ERO1B: variants seen among roughly 807,000 people sequenced by gnomAD.
ERO1B encodes the protein endoplasmic reticulum oxidoreductase 1 beta, also known as ERO1-like protein beta.
Under a neutral mutation model 75.3 loss-of-function variants are expected in ERO1B, and 49 were observed. The ratio of observed to expected loss-of-function variants is 0.65; its 90% CI spans 0.52 to 0.83. The LOEUF (loss-of-function observed/expected upper bound fraction) is 0.83, where lower values mean the gene tolerates loss of function less well. Among genes scored for constraint, ERO1B ranks in the 40% least tolerant of loss-of-function variants. ERO1B has a pLI of 0.00. For synonymous variants in ERO1B, 191 were observed against 192.9 expected, an observed-to-expected ratio of 0.99 and a Z score of 0.08; for missense variants, 512 against 560.1, an observed-to-expected ratio of 0.91 and a Z score of 0.87.
In ERO1B at chr1:236,236,248, G is replaced by A. The variant is rs199976739; in HGVS notation, c.626+30C>T. 2.4e-5 allele frequency: 38 copies of A among 1,612,108 alleles called. 1 individual carries two copies. The highest frequency in any genetic ancestry group is 4.4e-5 in the South Asian group (4 of 90,998). On this transcript the variant is annotated intron_variant, in intron 7 of 15. Transcript: ENST00000354619. Reference sequence around the variant, plus strand: ...GGCCTCTCCCGACCCTCTATCAGTCGTTCCTTCTTCCCCCACCCCCTCCAG... The same window carrying A: ...GGCCTCTCCCGACCCTCTATCAGTCATTCCTTCTTCCCCCACCCCCTCCAG...
chr1:236,229,430 A>G (rs1355659132), intron 10 of ERO1B, among the ~76,000 whole-genome samples: 2 of 152,138 alleles, frequency 1.3e-5, no homozygotes, highest in African/African-American at 2.4e-5. Context: ...CTCAAAAAAA[A>G]AAAAAAGAAA....
At chr1:236,244,719 G>T (rs564557569) in intron 5 of ERO1B, among the ~76,000 whole-genome samples, 4 of 152,228 alleles carry the variant, frequency 2.6e-5, no homozygotes, top group Non-Finnish European at 5.9e-5. Context: ...CCATGCCTAA[G>T]CCCGAAAAAA....
rs3835673 is a variant in ERO1B, at chr1:236,232,636, C to CTTT, written c.685+189_685+191dup. Among the ~76,000 whole-genome samples the CTTT allele has an allele frequency of 5.6e-3, 822 of 145,634 alleles. 10 individuals carry two copies. Among genetic ancestry groups the CTTT allele is most frequent in the African/African-American group, 0.018 (715 of 39,684 alleles). On this transcript the variant is annotated intron_variant, in intron 9 of 15. Coordinates refer to ENST00000354619, the MANE Select transcript of ERO1B (RefSeq NM_019891.4). The stretch of plus-strand genomic sequence containing the variant: ...AAACTAAGCATTTAGGAAAAATGGT[C>CTTT]TTTTTTTTTTAACATAGGATAACTT...
intron 9 of ERO1B, among the ~76,000 whole-genome samples, chr1:236,231,938 C>T (rs1198809852): frequency 6.6e-6 from 1 of 152,128 alleles, no homozygotes; most frequent in East Asian, 1.9e-4. Context: ...ATAGTCTTAC[C>T]TACCACTAAA....
At chr1:236,237,456 G>T (rs1002906708) in intron 6 of ERO1B, among the ~76,000 whole-genome samples, 3 of 152,124 alleles carry the variant, frequency 2.0e-5, no homozygotes, top group Non-Finnish European at 2.9e-5. Context: ...AAATACAAAA[G>T]ATTTTAAAAA....
intron 2 of ERO1B, among the ~76,000 whole-genome samples, chr1:236,268,916 A>G (rs77286109): frequency 6.6e-6 from 1 of 151,410 alleles, no homozygotes; most frequent in East Asian, 2.0e-4. Flanking sequence ...AAACAAAAAC[A>G]TATATATATT....
rs575670800 is a variant in ERO1B at position 236,279,873 on chromosome 1, T to G, written c.102+1809A>C. Among the ~76,000 whole-genome samples the G allele has an allele frequency of 3.3e-5, 5 of 150,942 alleles. No homozygotes were observed. The South Asian group carries it at 1.0e-3, about 32-fold the overall frequency. ...AAAAAAAAAAAAAGAAAGTAAGTAC[T>G]GCTGGCAACAAAAACCAAATATATT... On this transcript the variant is annotated intron_variant, in intron 1 of 15. Transcript: ENST00000354619.
chr1:236,281,503 C>A (rs755873348), intron 1 of ERO1B, 179 bp downstream of exon 1: 23 of 411,916 alleles, frequency 5.6e-5, no homozygotes, highest in Non-Finnish European at 9.2e-5. Context: ...GCGGGCGGTT[C>A]GCAGATGTTT....
At chr1:236,273,273 A>G (rs2812477) in intron 1 of ERO1B, among the ~76,000 whole-genome samples, 139,214 of 152,204 alleles carry the variant, frequency 0.91, 64,915 homozygotes, top group East Asian at 1. Context: ...GCTTGAAAAG[A>G]AGCCTCCAGA....
At chr1:236,281,558 G>T (rs1665829845) in intron 1 of ERO1B, 124 bp downstream of exon 1, 1 of 633,414 alleles carries the variant, frequency 1.6e-6, no homozygotes. Flanking sequence ...TTTTCTGCTC[G>T]CCAGAAATCA....
rs1021412175 is a variant in ERO1B at position 236,217,082 on chromosome 1, C to G, written c.*1434G>C. ...GCTAAGTATTTTTAAGAGGGGTGAG[C>G]CAAGCCAACTAAATACAATTTTTTA... On this transcript the variant is annotated 3_prime_UTR_variant, in exon 16 of 16. Coordinates refer to ENST00000354619, the MANE Select transcript of ERO1B (RefSeq NM_019891.4). The G allele has an allele frequency of 6.6e-6, 1 of 151,800 alleles. No individual in the cohort carries two copies. Among genetic ancestry groups the G allele is most frequent in the Non-Finnish European group, 1.5e-5 (1 of 67,904 alleles). The allele number at this position is 151,800 out of a possible 1,614,324, so 9.4% of individuals were successfully genotyped here.
intron 1 of ERO1B, among the ~76,000 whole-genome samples, 197 bp from the exon 2 acceptor site, chr1:236,270,191 T>C (rs921609852): frequency 4.6e-5 from 7 of 152,236 alleles, no homozygotes; most frequent in African/African-American, 1.7e-4. Context: ...CTATACCCAT[T>C]TGGAAGAACA....
At chr1:236,236,203 A>G in intron 7 of ERO1B, 75 bp downstream of exon 7, 1 of 1,577,230 alleles carries the variant, frequency 6.3e-7, no homozygotes, top group South Asian at 1.1e-5. Context: ...CTGGGATTAC[A>G]GGCGTGAGCC....
chr1:236,270,389 T>G (rs1009446734), intron 1 of ERO1B, among the ~76,000 whole-genome samples: 3 of 152,326 alleles, frequency 2.0e-5, no homozygotes, highest in Admixed American at 2.0e-4. Context: ...TATGGAACAC[T>G]TACATGACAG....
At chr1:236,218,738 G>T (rs1173373874) in intron 15 of ERO1B, among the ~76,000 whole-genome samples, 162 bp from the exon 16 acceptor site, 1 of 152,106 alleles carries the variant, frequency 6.6e-6, no homozygotes, top group Admixed American at 6.6e-5. Context: ...ATTAAGACTG[G>T]TTTAGAAGGG....
chr1:236,235,912 A>C, intron 7 of ERO1B, 77 bp from the exon 8 acceptor site: 1 of 1,271,996 alleles, frequency 7.9e-7, no homozygotes, highest in Non-Finnish European at 1.1e-6. Flanking sequence ...AATAGAAACA[A>C]ATACTCCCCT....
At chr1:236,251,053 G>A (rs1665014535) in intron 4 of ERO1B, among the ~76,000 whole-genome samples, 1 of 152,018 alleles carries the variant, frequency 6.6e-6, no homozygotes, top group Non-Finnish European at 1.5e-5. Flanking sequence ...GCTAATATGT[G>A]TTATAGTCAT....
intron 1 of ERO1B, 86 bp downstream of exon 1, chr1:236,281,596 C>A (rs1165899573): frequency 1.9e-6 from 2 of 1,028,642 alleles, no homozygotes; most frequent in Admixed American, 8.1e-5. Flanking sequence ...CCCTGCCCGG[C>A]CCTCCCCGCG....
intron 12 of ERO1B, among the ~76,000 whole-genome samples, chr1:236,226,017 A>G (rs1037219299): frequency 6.6e-6 from 1 of 152,232 alleles, no homozygotes; most frequent in East Asian, 1.9e-4. Flanking sequence ...TTTTGATACT[A>G]CATAAAATTT....
Sources: allele counts gnomAD v4.1 joint callset (sites outside exome capture counted in the v4.1 genomes callset), GRCh38; gene constraint gnomAD v4.1.1; transcripts MANE v1.5; gene names NCBI Gene and HGNC (gene_info 2026-07-23, HGNC 2026-07-21).